Variants in PDZD2 observed in about 807,000 individuals in gnomAD.
The protein encoded by PDZD2 is PDZ domain-containing protein 2.
In PDZD2, 90 loss-of-function variants were observed where a neutral mutation model predicts 220.7. The observed-to-expected ratio is 0.41, with a 90% confidence interval of 0.34 to 0.49. The LOEUF is 0.49. Among genes scored for constraint, PDZD2 ranks in the 20% least tolerant of loss-of-function variants. PDZD2 has a pLI of 0.28. For missense variants in PDZD2, 3,174 were observed against 3,608.5 expected, an observed-to-expected ratio of 0.88 and a Z score of 3.08; for synonymous variants, 1,375 against 1,450.5, an observed-to-expected ratio of 0.95 and a Z score of 1.18.
chr5:31,763,086 G>A (rs187155156), intron 1 of PDZD2, among the ~76,000 whole-genome samples: 3 of 152,114 alleles, frequency 2.0e-5, no homozygotes, highest in Middle Eastern at 3.4e-3. Flanking sequence ...TGCCTTTTTC[G>A]TTTGATTAAG....
intron 2 of PDZD2, among the ~76,000 whole-genome samples, chr5:31,837,746 G>T (rs1257830455): frequency 6.6e-6 from 1 of 151,926 alleles, no homozygotes; most frequent in African/African-American, 2.4e-5. Context: ...AATTAGCCGG[G>T]CATGATGGTG....
At chr5:31,922,355 GGCTAC>G (rs1346880787) in intron 2 of PDZD2, among the ~76,000 whole-genome samples, 3 of 152,256 alleles carry the variant, frequency 2.0e-5, no homozygotes, top group South Asian at 4.1e-4. Flanking sequence ...TCCCTCCACA[GGCTAC>G]GCTCTTAATC....
intron 7 of PDZD2, among the ~76,000 whole-genome samples, chr5:32,046,698 T>C (rs1738005032): frequency 6.6e-6 from 1 of 152,290 alleles, no homozygotes; most frequent in South Asian, 2.1e-4. Context: ...GGAGAAGATA[T>C]TTACAATCCA....
chr5:32,077,352 G>A, intron 18 of PDZD2, 110 bp from the exon 19 acceptor site: 1 of 1,050,398 alleles, frequency 9.5e-7, no homozygotes. Context: ...CCTAGTCCAG[G>A]GCCCCTTTGC....
At chr5:31,869,586 A>G (rs1424924022) in intron 2 of PDZD2, among the ~76,000 whole-genome samples, 6 of 152,144 alleles carry the variant, frequency 3.9e-5, no homozygotes, top group Non-Finnish European at 1.5e-5. Context: ...AAACAAAAGA[A>G]AAAAGAAATG....
Position 31,931,315 on chromosome 5 carries a change from G to A in PDZD2, c.477-51840G>A, listed in dbSNP as rs531428916. 1.2e-4 allele frequency among the ~76,000 whole-genome samples: 18 copies of A among 151,584 alleles called. No individual in the cohort carries two copies. In the South Asian group the frequency reaches 3.6e-3, roughly 30 times the overall value. The stretch of plus-strand genomic sequence containing the variant: ...TGGGATGACAGGCGTACACCACTAT[G>A]CCTGGCTAATTTTTGTATTTTTAGT... On this transcript the variant is annotated intron_variant, in intron 2 of 24. Coordinates refer to ENST00000438447, the MANE Select transcript of PDZD2 (RefSeq NM_178140.4).
rs769989480 is a variant in PDZD2 at position 31,799,494 on chromosome 5, T to G, written c.246T>G (p.Thr82=). ...CCAAGGAGCTGGGGGACACAGAGAC[T>G]GTGGGCCTGAGTTTTGGGAACATCC... The part of the protein sequence containing the change: ...YLTKELGDTE[T]VGLSFGNIPV... The change falls in exon 2 of 25, where the codon ACT becomes ACG. Residue 82 remains threonine, a synonymous_variant. Transcript: ENST00000438447. 4.3e-6 allele frequency: 7 copies of G among 1,614,158 alleles called. No individual in the cohort carries two copies. Among genetic ancestry groups the G allele is most frequent in the Non-Finnish European group, 5.1e-6 (6 of 1,180,014 alleles).
intron 1 of PDZD2, chr5:31,747,833 C>T (rs1186003917): frequency 6.5e-6 from 1 of 152,756 alleles, no homozygotes; most frequent in Non-Finnish European, 1.5e-5. Flanking sequence ...ATAATCCTGC[C>T]CCAGGAACCT....
intron 7 of PDZD2, among the ~76,000 whole-genome samples, chr5:32,047,263 A>ACGGT (rs1738066662): frequency 6.6e-6 from 1 of 152,200 alleles, no homozygotes; most frequent in Admixed American, 6.5e-5. Flanking sequence ...TATTTTCCAG[A>ACGGT]ATAGCCAAAA....
At chr5:31,705,756 C>G in intron 1 of PDZD2, among the ~76,000 whole-genome samples, 1 of 152,154 alleles carries the variant, frequency 6.6e-6, no homozygotes. Flanking sequence ...AGAATGTAAA[C>G]TCTATGAGAG....
chr5:31,662,894 T>C (rs1418214887), intron 1 of PDZD2, among the ~76,000 whole-genome samples: 1 of 152,206 alleles, frequency 6.6e-6, no homozygotes, highest in Non-Finnish European at 1.5e-5. Flanking sequence ...CCTCCCAAAG[T>C]GCTGGGATTA....
chr5:31,718,521 G>A (rs1238397916), intron 1 of PDZD2, among the ~76,000 whole-genome samples: 3 of 152,144 alleles, frequency 2.0e-5, no homozygotes, highest in Non-Finnish European at 4.4e-5. Context: ...CAAGATCAAG[G>A]TGTTGGCAGG....
At chr5:31,903,383 A>G (rs1742286789) in intron 2 of PDZD2, among the ~76,000 whole-genome samples, 1 of 151,988 alleles carries the variant, frequency 6.6e-6, no homozygotes, top group African/African-American at 2.4e-5. Flanking sequence ...ATGGTGGCTG[A>G]CACCTATAAT....
chr5:31,748,325 G>A (rs766572260), intron 1 of PDZD2, among the ~76,000 whole-genome samples: 10 of 152,110 alleles, frequency 6.6e-5, no homozygotes, highest in Non-Finnish European at 1.5e-4. Flanking sequence ...TTCTAGACCC[G>A]ACTTGCTCAC....
chr5:32,071,447 C>G, intron 16 of PDZD2, 29 bp downstream of exon 16: 4 of 1,574,670 alleles, frequency 2.5e-6, no homozygotes, highest in Non-Finnish European at 3.5e-6. Flanking sequence ...CTACCTGCCT[C>G]CCTCAGCTGG....
intron 2 of PDZD2, among the ~76,000 whole-genome samples, chr5:31,902,781 C>G (rs71627332): frequency 6.6e-6 from 1 of 151,812 alleles, no homozygotes; most frequent in Non-Finnish European, 1.5e-5. Context: ...ATAGGAGAAT[C>G]GCTTGAACCT....
intron 2 of PDZD2, among the ~76,000 whole-genome samples, chr5:31,826,515 A>AG (rs1482576305): frequency 6.6e-6 from 1 of 152,054 alleles, no homozygotes; most frequent in Non-Finnish European, 1.5e-5. Context: ...TCTACTAAAA[A>AG]TACAAAAAAA....
intron 1 of PDZD2, chr5:31,747,520 C>T (rs1290063267): frequency 6.6e-6 from 1 of 152,078 alleles, no homozygotes; most frequent in Non-Finnish European, 1.5e-5. Flanking sequence ...GGTAGTGTGT[C>T]CTGAATACCA....
chr5:32,068,739 T>G (rs1029840646), intron 14 of PDZD2, among the ~76,000 whole-genome samples: 9 of 152,182 alleles, frequency 5.9e-5, no homozygotes, highest in Non-Finnish European at 1.3e-4. Flanking sequence ...AAAGAATGTC[T>G]TTGTTTCTAA....
Sources: allele counts gnomAD v4.1 joint callset (sites outside exome capture counted in the v4.1 genomes callset), GRCh38; gene constraint gnomAD v4.1.1; transcripts MANE v1.5; gene names NCBI Gene and HGNC (gene_info 2026-07-23, HGNC 2026-07-21).